Variants in CCDC117 observed in about 807,000 individuals in gnomAD.
CCDC117 encodes the protein coiled-coil domain containing 117.
Under a neutral mutation model 23.5 loss-of-function variants are expected in CCDC117, and 1 was observed. The observed-to-expected ratio is 0.04, with a 90% confidence interval of 0.02 to 0.20. The LOEUF is 0.20. Among genes scored for constraint, CCDC117 ranks in the 10% least tolerant of loss-of-function variants. The probability of loss-of-function intolerance (pLI) is 1.00; values close to 1 mark genes in which losing one functional copy is unlikely to be tolerated. For missense variants in CCDC117, 383 were observed against 348.2 expected (o/e 1.10, Z -0.80); for synonymous variants, 132 against 124.8 (o/e 1.06, Z -0.39).
At chr22:28,781,365 T>TTTTTTTTTTTTTTTTTTC in intron 3 of CCDC117, among the ~76,000 whole-genome samples, 193 bp downstream of exon 3, 1 of 38,752 alleles carries the variant, frequency 2.6e-5, no homozygotes. Context: ...TTTTTTTTTT[T>TTTTTTTTTTTTTTTTTTC]TTTGAGACGG....
At chr22:28,785,380 G>T (rs2146256262) in intron 4 of CCDC117, among the ~76,000 whole-genome samples, 1 of 151,686 alleles carries the variant, frequency 6.6e-6, no homozygotes, top group South Asian at 2.1e-4. Context: ...GTAGAGACGG[G>T]GTTCACCACA....
At chr22:28,781,335 G>GTTTGTTT (rs2031316834) in intron 3 of CCDC117, among the ~76,000 whole-genome samples, 163 bp downstream of exon 3, 1 of 14,824 alleles carries the variant, frequency 6.7e-5, no homozygotes, top group Admixed American at 9.5e-4. Context: ...TTTTTGTTTT[G>GTTTGTTT]TTTTTTTTTT....
intron 4 of CCDC117, among the ~76,000 whole-genome samples, chr22:28,785,638 TCA>T (rs2031487552): frequency 6.6e-6 from 1 of 152,222 alleles, no homozygotes; most frequent in Non-Finnish European, 1.5e-5. Context: ...TTTCCAACAA[TCA>T]AGGGCTCTGC....
Position 28,788,689 on chromosome 22 carries a change from A to T in CCDC117, c.*2363A>T, listed in dbSNP as rs1195380376. The T allele has an allele frequency of 2.0e-5, 3 of 152,626 alleles. No homozygotes were observed. Among genetic ancestry groups the T allele is most frequent in the Non-Finnish European group, 4.4e-5 (3 of 68,042 alleles). The allele number at this position is 152,626 out of a possible 1,614,324, so 9.5% of individuals were successfully genotyped here. A position where few individuals can be genotyped will look rare whatever the true frequency, so the allele number is the denominator to read the frequency against. ...AATTTCTACAAAAATTGTTTTCTTC[A>T]TCCTTGTGGTGCTTATTCATCTGAG... is the stretch of plus-strand genomic sequence containing the variant. On this transcript the variant is annotated 3_prime_UTR_variant, in exon 5 of 5. Transcript: ENST00000249064.
intron 1 of CCDC117, 37 bp downstream of exon 1, chr22:28,773,071 G>T (rs1236273084): frequency 7.6e-6 from 7 of 923,862 alleles, no homozygotes; most frequent in South Asian, 5.5e-5. Flanking sequence ...CAGGGCGGGC[G>T]GGCGGGCGGG....
chr22:28,777,741 C>T (rs1457632956), intron 2 of CCDC117, among the ~76,000 whole-genome samples: 1 of 152,016 alleles, frequency 6.6e-6, no homozygotes, highest in Non-Finnish European at 1.5e-5. Context: ...ATTCCTTGAC[C>T]TCATGATCCA....
chr22:28,784,914 C>T (rs750446158), intron 4 of CCDC117, among the ~76,000 whole-genome samples: 4 of 151,942 alleles, frequency 2.6e-5, no homozygotes, highest in African/African-American at 9.7e-5. Flanking sequence ...GGACTACAGG[C>T]GCCTGCCACC....
chr22:28,777,291 C>T (rs2031193508), intron 2 of CCDC117, among the ~76,000 whole-genome samples: 1 of 152,064 alleles, frequency 6.6e-6, no homozygotes, highest in East Asian at 1.9e-4. Context: ...CCCTGGCCTC[C>T]CAAAGTGCTG....
intron 2 of CCDC117, among the ~76,000 whole-genome samples, chr22:28,776,612 T>G (rs2031169136): frequency 1.3e-5 from 2 of 150,782 alleles, no homozygotes; most frequent in Non-Finnish European, 3.0e-5. Context: ...GAGACGGAGT[T>G]TCGCTCTTGT....
intron 2 of CCDC117, among the ~76,000 whole-genome samples, chr22:28,776,619 T>C (rs1336064152): frequency 6.6e-6 from 1 of 150,440 alleles, no homozygotes; most frequent in African/African-American, 2.4e-5. Context: ...AGTTTCGCTC[T>C]TGTTGCCCAG....
chr22:28,778,305 C>G (rs1282962676), intron 2 of CCDC117, among the ~76,000 whole-genome samples: 1 of 151,510 alleles, frequency 6.6e-6, no homozygotes, highest in Non-Finnish European at 1.5e-5. Context: ...TTTGAAAGTT[C>G]CCTTAATTTA....
intron 3 of CCDC117, among the ~76,000 whole-genome samples, 177 bp downstream of exon 3, chr22:28,781,349 T>TTG (rs2031324499): frequency 2.0e-4 from 2 of 10,014 alleles, no homozygotes; most frequent in Non-Finnish European, 3.0e-4. Context: ...TTTTTTTTTT[T>TTG]TTTTTTTTTT....
Position 28,787,714 on chromosome 22 carries a change from G to A in CCDC117, c.*1388G>A, listed in dbSNP as rs983965529. 2.0e-5 allele frequency: 3 copies of A among 152,396 alleles called. No homozygotes were observed. The highest frequency in any genetic ancestry group is 6.6e-5 in the Admixed American group (1 of 15,258). The allele number at this position is 152,396 out of a possible 1,614,324, so 9.4% of individuals were successfully genotyped here. A position where few individuals can be genotyped will look rare whatever the true frequency, so the allele number is the denominator to read the frequency against. ...CTCTTCTATGTGGCAGGGGCTGATA[G>A]GGCAAAATAAAATGACAATTTCTTT... On this transcript the variant is annotated 3_prime_UTR_variant, in exon 5 of 5. Transcript: ENST00000249064.
chr22:28,781,349 T>G lies in CCDC117; in HGVS notation c.464+177T>G, dbSNP rs1569198963. Among the ~76,000 whole-genome samples the G allele has an allele frequency of 6.0e-4, 6 of 10,004 alleles. 1 individual carries two copies. The highest frequency in any genetic ancestry group is 2.3e-3 in the African/African-American group (2 of 870). The allele number at this position is 10,004 out of a possible 152,430, so 6.6% of individuals were successfully genotyped here. On this transcript the variant is annotated intron_variant, in intron 3 of 4. Coordinates refer to ENST00000249064, the MANE Select transcript of CCDC117 (RefSeq NM_173510.4). ...TTTTTTGTTTTGTTTTTTTTTTTTTTTTTTTTTTTTTTTTTTTTTGAGACG... is the reference window on the plus strand; with the variant it reads ...TTTTTTGTTTTGTTTTTTTTTTTTTGTTTTTTTTTTTTTTTTTTTGAGACG...
chr22:28,773,523 C>G (rs2031062736), intron 1 of CCDC117: 1 of 593,850 alleles, frequency 1.7e-6, no homozygotes, highest in African/African-American at 1.9e-5. Flanking sequence ...GATAAAAGGA[C>G]AAGTTGAGAT....
rs539261515 is a variant in CCDC117 at position 28,788,269 on chromosome 22, C to T, written c.*1943C>T. On this transcript the variant is annotated 3_prime_UTR_variant, in exon 5 of 5. Transcript: ENST00000249064. ...GCCTTGTAGTCATTGTTTGATGGGA[C>T]CAACTTGTAAAGTATGAGCCTTAAA... 2 of 152,646 alleles carry T rather than the reference C, an allele frequency of 1.3e-5. No individual in the cohort carries two copies. Among genetic ancestry groups the T allele is most frequent in the Admixed American group, 6.5e-5 (1 of 15,274 alleles). 9.5% of individuals were successfully genotyped at this position (152,646 alleles called of 1,614,324 possible). A position where few individuals can be genotyped will look rare whatever the true frequency, so the allele number is the denominator to read the frequency against.
intron 3 of CCDC117, among the ~76,000 whole-genome samples, 158 bp downstream of exon 3, chr22:28,781,330 G>GTTTTTTTTTTTTTTTTTTTTTTTTTTTTT (rs1404977996): frequency 2.7e-5 from 1 of 37,626 alleles, no homozygotes; most frequent in African/African-American, 1.5e-4. Context: ...TTGTTTTTTT[G>GTTTTTTTTTTTTTTTTTTTTTTTTTTTTT]TTTTGTTTTT....
chr22:28,780,674 C>G (rs904555997), intron 2 of CCDC117, among the ~76,000 whole-genome samples: 2 of 152,082 alleles, frequency 1.3e-5, no homozygotes, highest in Non-Finnish European at 2.9e-5. Flanking sequence ...GCCAAATAAG[C>G]AGGAATGACT....
chr22:28,774,844 CTG>C (rs1396079561), intron 2 of CCDC117, among the ~76,000 whole-genome samples: 1 of 152,228 alleles, frequency 6.6e-6, no homozygotes, highest in Admixed American at 6.5e-5. Flanking sequence ...AGTGCAGTGG[CTG>C]TGTTTTTACA....
Sources: allele counts gnomAD v4.1 joint callset (sites outside exome capture counted in the v4.1 genomes callset), GRCh38; gene constraint gnomAD v4.1.1; transcripts MANE v1.5; gene names NCBI Gene and HGNC (gene_info 2026-07-23, HGNC 2026-07-21).